Variants in HCRTR2 observed in about 807,000 individuals in gnomAD.
HCRTR2 encodes the protein orexin receptor type 2.
In HCRTR2, 22 loss-of-function variants were observed where a neutral mutation model predicts 49.0. The observed-to-expected ratio is 0.45, with a 90% CI of 0.32 to 0.64. The LOEUF (loss-of-function observed/expected upper bound fraction) is 0.64, where lower values mean the gene tolerates loss of function less well. Among genes scored for constraint, HCRTR2 ranks in the 30% least tolerant of loss-of-function variants. The pLI is 0.04. For synonymous variants in HCRTR2, 236 were observed against 205.3 expected (o/e 1.15, Z -1.28); for missense variants, 491 against 559.4 (o/e 0.88, Z 1.23).
chr6:55,138,724 A>G (rs1184767916), intron 1 of HCRTR2, among the ~76,000 whole-genome samples: 1 of 152,238 alleles, frequency 6.6e-6, no homozygotes, highest in Non-Finnish European at 1.5e-5. Flanking sequence ...CATTCTTTCT[A>G]TAGTTACTCT....
At chr6:55,208,798 T>A (rs1765649104) in intron 1 of HCRTR2, among the ~76,000 whole-genome samples, 1 of 152,176 alleles carries the variant, frequency 6.6e-6, no homozygotes, top group Admixed American at 6.5e-5. Flanking sequence ...ATGAATTCAA[T>A]GATGAGTTAT....
chr6:55,193,154 C>T (rs1228909737), intron 1 of HCRTR2, among the ~76,000 whole-genome samples: 1 of 152,158 alleles, frequency 6.6e-6, no homozygotes, highest in Non-Finnish European at 1.5e-5. Context: ...GGCAAGCACT[C>T]TTCTGACATT....
At chr6:55,220,074 T>A (rs922030140) in intron 1 of HCRTR2, among the ~76,000 whole-genome samples, 6 of 151,302 alleles carry the variant, frequency 4.0e-5, no homozygotes, top group African/African-American at 1.5e-4. Context: ...AAAAAGAAAA[T>A]CCCAGGATCA....
At chr6:55,175,016 CT>C (rs1253390139) in intron 1 of HCRTR2, among the ~76,000 whole-genome samples, 1 of 152,176 alleles carries the variant, frequency 6.6e-6, no homozygotes, top group East Asian at 1.9e-4. Context: ...AGGTTATTCC[CT>C]GTTTTGCAGG....
At chr6:55,252,787 T>G (rs1766577031) in intron 2 of HCRTR2, among the ~76,000 whole-genome samples, 1 of 152,132 alleles carries the variant, frequency 6.6e-6, no homozygotes, top group African/African-American at 2.4e-5. Context: ...TTTCTATGAA[T>G]ATTCTTCTCT....
chr6:55,269,753 G>A (rs1267450561), intron 4 of HCRTR2, among the ~76,000 whole-genome samples: 2 of 152,100 alleles, frequency 1.3e-5, no homozygotes, highest in African/African-American at 2.4e-5. Context: ...GAGGCCAGGA[G>A]ATCAAGACCA....
chr6:55,258,089 T>G (rs1766686664), intron 3 of HCRTR2, among the ~76,000 whole-genome samples: 2 of 152,092 alleles, frequency 1.3e-5, no homozygotes, highest in Non-Finnish European at 2.9e-5. Flanking sequence ...TTTGTATATG[T>G]GTGATTGTCA....
At chr6:55,201,528 G>A (rs1397694379) in intron 1 of HCRTR2, among the ~76,000 whole-genome samples, 1 of 151,910 alleles carries the variant, frequency 6.6e-6, no homozygotes, top group Non-Finnish European at 1.5e-5. Flanking sequence ...AAAAACTAAG[G>A]GATTTTTTCT....
chr6:55,226,670 A>G (rs1163173586), intron 1 of HCRTR2, among the ~76,000 whole-genome samples: 1 of 141,466 alleles, frequency 7.1e-6, no homozygotes, highest in East Asian at 2.3e-4. Context: ...TCATGTATTT[A>G]TGTTTAGGCT....
intron 1 of HCRTR2, among the ~76,000 whole-genome samples, chr6:55,221,587 T>G (rs529473295): frequency 1.4e-4 from 21 of 150,048 alleles, no homozygotes; most frequent in East Asian, 7.9e-4. Flanking sequence ...GCCAAGGGGG[T>G]CAGATCACGA....
rs1042558245 is a variant in HCRTR2, at chr6:55,282,241, A to G, written c.1122A>G (p.Glu374=). Residue 374 remains glutamate, a synonymous_variant, in exon 7 of 7, where the codon GAA becomes GAG. Transcript: ENST00000370862. Reference sequence around the variant, plus strand: ...GTTTGCCAGGAAAATTTCGAGAGGAATTTAAAGCTGCGTTTTCTTGCTGTT... The same window carrying G: ...GTTTGCCAGGAAAATTTCGAGAGGAGTTTAAAGCTGCGTTTTCTTGCTGTT... The part of the protein sequence containing the change: ...YNFLSGKFRE[E]FKAAFSCCCL... 2.5e-6 allele frequency: 4 copies of G among 1,613,454 alleles called. No individual in the cohort carries two copies. In the East Asian group the frequency reaches 8.9e-5, roughly 36 times the overall value.
At chr6:55,264,273 A>G (rs1350257771) in intron 4 of HCRTR2, among the ~76,000 whole-genome samples, 4 of 152,052 alleles carry the variant, frequency 2.6e-5, no homozygotes, top group African/African-American at 7.2e-5. Flanking sequence ...TAAATCTCCA[A>G]CTTCAAAGAT....
intron 1 of HCRTR2, among the ~76,000 whole-genome samples, chr6:55,194,311 T>C (rs1765373179): frequency 6.6e-6 from 1 of 152,266 alleles, no homozygotes; most frequent in South Asian, 2.1e-4. Flanking sequence ...TTCATGTTGC[T>C]AAGTATGTGA....
chr6:55,153,422 C>A (rs1459154495), intron 1 of HCRTR2, among the ~76,000 whole-genome samples: 2 of 151,938 alleles, frequency 1.3e-5, no homozygotes, highest in Non-Finnish European at 2.9e-5. Context: ...ATATTATAGA[C>A]AATTGTGTAA....
At chr6:55,185,157 A>G (rs899938711) in intron 1 of HCRTR2, among the ~76,000 whole-genome samples, 6 of 152,236 alleles carry the variant, frequency 3.9e-5, no homozygotes, top group African/African-American at 1.4e-4. Context: ...AATACTTTAT[A>G]CAAAAGTTTC....
At chr6:55,112,548 C>CAAAA (rs34704863) in intron 1 of HCRTR2, among the ~76,000 whole-genome samples, 1 of 79,162 alleles carries the variant, frequency 1.3e-5, no homozygotes. Flanking sequence ...ACAATAGCTG[C>CAAAA]AAAAAAAAAA....
At chr6:55,168,573 A>T (rs1249524259) in intron 1 of HCRTR2, among the ~76,000 whole-genome samples, 1 of 151,894 alleles carries the variant, frequency 6.6e-6, no homozygotes, top group African/African-American at 2.4e-5. Flanking sequence ...GGAATAATAG[A>T]TGCTTTTTTT....
intron 1 of HCRTR2, among the ~76,000 whole-genome samples, chr6:55,126,954 T>A (rs1026653270): frequency 1.3e-5 from 2 of 152,284 alleles, no homozygotes; most frequent in Admixed American, 6.5e-5. Context: ...CTCAGACTGC[T>A]GCTGTGCTGG....
intron 4 of HCRTR2, among the ~76,000 whole-genome samples, chr6:55,267,494 C>T (rs1766882800): frequency 6.7e-6 from 1 of 149,648 alleles, no homozygotes; most frequent in Non-Finnish European, 1.5e-5. Context: ...AAGAACTTAG[C>T]TTGCTTGACT....
Sources: allele counts gnomAD v4.1 joint callset (sites outside exome capture counted in the v4.1 genomes callset), GRCh38; gene constraint gnomAD v4.1.1; transcripts MANE v1.5; gene names NCBI Gene and HGNC (gene_info 2026-07-23, HGNC 2026-07-21).